SGCZ: variants seen among roughly 807,000 people sequenced by gnomAD.
SGCZ encodes the protein zeta-sarcoglycan.
In SGCZ, 40 loss-of-function variants were observed where a neutral mutation model predicts 41.3. That is an observed-to-expected ratio of 0.97 (90% CI 0.75 to 1.26). The LOEUF (loss-of-function observed/expected upper bound fraction) is 1.26. SGCZ is among the 50% of genes most tolerant of loss of function. The pLI is 0.00. For synonymous variants in SGCZ, 206 were observed against 137.5 expected, an observed-to-expected ratio of 1.50 and a Z score of -3.49; for missense variants, 552 against 369.8, an observed-to-expected ratio of 1.49 and a Z score of -4.04.
intron 6 of SGCZ, among the ~76,000 whole-genome samples, chr8:14,107,848 A>G (rs1174514761): frequency 6.6e-6 from 1 of 151,952 alleles, no homozygotes; most frequent in Non-Finnish European, 1.5e-5. Flanking sequence ...GGGTCTCACT[A>G]TGTTGCCAGG....
At chr8:14,250,728 T>C (rs1799253600) in intron 3 of SGCZ, among the ~76,000 whole-genome samples, 1 of 152,102 alleles carries the variant, frequency 6.6e-6, no homozygotes, top group Admixed American at 6.5e-5. Flanking sequence ...TGGCCTGACC[T>C]GACAGAACAG....
intron 1 of SGCZ, among the ~76,000 whole-genome samples, chr8:14,787,569 C>T (rs554485437): frequency 4.6e-5 from 7 of 152,084 alleles, no homozygotes; most frequent in East Asian, 3.9e-4. Flanking sequence ...TCCAGCCGGG[C>T]GGGATACAGG....
At chr8:14,545,147 T>G (rs1478282818) in intron 2 of SGCZ, among the ~76,000 whole-genome samples, 1 of 152,048 alleles carries the variant, frequency 6.6e-6, no homozygotes, top group Non-Finnish European at 1.5e-5. Context: ...GAACCTACAT[T>G]GAAATATTGG....
intron 3 of SGCZ, among the ~76,000 whole-genome samples, chr8:14,299,204 T>A (rs1021303293): frequency 6.6e-6 from 1 of 151,960 alleles, no homozygotes; most frequent in Non-Finnish European, 1.5e-5. Context: ...ACATAAAAGA[T>A]ACAGCTATAA....
At chr8:14,759,859 A>G (rs1346470204) in intron 1 of SGCZ, among the ~76,000 whole-genome samples, 1 of 152,210 alleles carries the variant, frequency 6.6e-6, no homozygotes, top group African/African-American at 2.4e-5. Context: ...AGGAAAGATT[A>G]AAACTTCACC....
At position 14,343,907 on chromosome 8, in the gene SGCZ, T is replaced by TA. The variant is rs536442291; in HGVS notation, c.235-19704dup. On this transcript the variant is annotated intron_variant, in intron 2 of 7. Transcript: ENST00000382080. ...AAGGGGAAAAAGAAGCAGTGCAAAT[T>TA]AAAAAAAAGAGGTGATCCAATTGAG... Among the ~76,000 whole-genome samples, 362 of 151,262 alleles carry TA rather than the reference T, an allele frequency of 2.4e-3. 2 individuals carry two copies. The highest frequency in any genetic ancestry group is 0.02 in the Middle Eastern group (6 of 294).
intron 4 of SGCZ, among the ~76,000 whole-genome samples, chr8:14,222,263 C>A (rs1208864765): frequency 6.6e-6 from 1 of 151,820 alleles, no homozygotes; most frequent in Admixed American, 6.6e-5. Flanking sequence ...CTCCGCCTCC[C>A]GGGTTCAAGC....
intron 2 of SGCZ, among the ~76,000 whole-genome samples, chr8:14,435,104 T>A (rs1225856914): frequency 6.6e-6 from 1 of 152,172 alleles, no homozygotes; most frequent in African/African-American, 2.4e-5. Context: ...AATGCAAAAA[T>A]ATTAATAAAA....
chr8:14,699,702 T>G (rs931876192), intron 1 of SGCZ, among the ~76,000 whole-genome samples: 9 of 151,820 alleles, frequency 5.9e-5, no homozygotes, highest in African/African-American at 1.9e-4. Context: ...GGAATACATC[T>G]TCACAAACTG....
At chr8:14,329,443 C>T (rs1244003588) in intron 2 of SGCZ, among the ~76,000 whole-genome samples, 1 of 152,166 alleles carries the variant, frequency 6.6e-6, no homozygotes, top group African/African-American at 2.4e-5. Context: ...CTAATCAACA[C>T]ATTTAAAAAA....
intron 2 of SGCZ, among the ~76,000 whole-genome samples, chr8:14,444,357 G>A (rs1490220073): frequency 6.6e-6 from 1 of 152,024 alleles, no homozygotes; most frequent in Non-Finnish European, 1.5e-5. Context: ...AAAGACACAT[G>A]CACACGTATG....
At chr8:14,097,269 T>C (rs1324623435) in intron 7 of SGCZ, among the ~76,000 whole-genome samples, 1 of 152,230 alleles carries the variant, frequency 6.6e-6, no homozygotes, top group Non-Finnish European at 1.5e-5. Flanking sequence ...GCTTTATGTG[T>C]GTCCCAGAGA....
intron 1 of SGCZ, among the ~76,000 whole-genome samples, chr8:15,194,995 T>A (rs1800674938): frequency 6.6e-6 from 1 of 152,228 alleles, no homozygotes. Context: ...ACTGATCATT[T>A]ATTTTAGAAT....
At chr8:14,769,592 G>C (rs556531953) in intron 1 of SGCZ, among the ~76,000 whole-genome samples, 15 of 152,058 alleles carry the variant, frequency 9.9e-5, no homozygotes, top group Non-Finnish European at 2.1e-4. Context: ...GGGAGTTCGA[G>C]ACCAGCCTGG....
chr8:14,489,659 G>A (rs193167627), intron 2 of SGCZ, among the ~76,000 whole-genome samples: 1 of 151,724 alleles, frequency 6.6e-6, no homozygotes, highest in Non-Finnish European at 1.5e-5. Context: ...CTTGAAATTG[G>A]CATATTTCTT....
At chr8:14,309,659 T>C (rs1488991517) in intron 3 of SGCZ, 11 of 1,610,454 alleles carry the variant, frequency 6.8e-6, no homozygotes, top group Non-Finnish European at 9.3e-6. Context: ...CCACTAAAAA[T>C]AGGTTTGTTG....
intron 2 of SGCZ, among the ~76,000 whole-genome samples, chr8:14,326,334 C>A (rs1484080936): frequency 1.3e-5 from 2 of 151,352 alleles, no homozygotes; most frequent in African/African-American, 4.9e-5. Context: ...AAAGAGAAAG[C>A]CATTGAGGTA....
At chr8:14,304,223 G>A (rs762720752) in intron 3 of SGCZ, among the ~76,000 whole-genome samples, 25 of 151,542 alleles carry the variant, frequency 1.6e-4, no homozygotes, top group Admixed American at 3.9e-4. Flanking sequence ...CAGGAGGATC[G>A]CTTGAGCCCA....
At chr8:14,512,849 G>A (rs1355476253) in intron 2 of SGCZ, among the ~76,000 whole-genome samples, 3 of 152,050 alleles carry the variant, frequency 2.0e-5, no homozygotes, top group Non-Finnish European at 4.4e-5. Context: ...TGCTTCTGAA[G>A]TTTCATTGAA....
Sources: allele counts gnomAD v4.1 joint callset (sites outside exome capture counted in the v4.1 genomes callset), GRCh38; gene constraint gnomAD v4.1.1; transcripts MANE v1.5; gene names NCBI Gene and HGNC (gene_info 2026-07-23, HGNC 2026-07-21).